NFIB: variants seen among roughly 807,000 people sequenced by gnomAD.
The protein encoded by NFIB is nuclear factor I B, also known as nuclear factor 1 B-type.
NFIB carries 11 observed loss-of-function variants against 61.5 expected under a neutral mutation model. The observed-to-expected ratio is 0.18, with a 90% confidence interval of 0.11 to 0.30. The LOEUF (loss-of-function observed/expected upper bound fraction) is 0.30. Ranked by LOEUF, NFIB falls within the 10% of genes least tolerant of loss-of-function variation. NFIB has a pLI of 1.00. For synonymous variants in NFIB, 260 were observed against 216.5 expected, an observed-to-expected ratio of 1.20 and a Z score of -1.76; for missense variants, 471 against 608.9, an observed-to-expected ratio of 0.77 and a Z score of 2.38.
chr9:14,172,107 C>A (rs1004420175), intron 3 of NFIB, among the ~76,000 whole-genome samples: 31 of 152,224 alleles, frequency 2.0e-4, no homozygotes, highest in Non-Finnish European at 4.1e-4. Context: ...CAGAAAGAAA[C>A]CACTGGTCAT....
At chr9:14,398,559 G>A (rs918411491) in exon 1 of NFIB, 2 of 1,535,184 alleles carry the variant, frequency 1.3e-6, no homozygotes, top group Non-Finnish European at 1.7e-6. Context: ...ATTCTTTTAG[G>A]AATCCCAGGG....
chr9:14,524,330 GT>G, the NFIB span, among the ~76,000 whole-genome samples: 1 of 152,058 alleles, frequency 6.6e-6, no homozygotes, highest in South Asian at 2.1e-4. Context: ...GTGCTAGGGT[GT>G]TTTCTCTCAA....
chr9:14,223,256 A>G (rs573950274), intron 2 of NFIB, among the ~76,000 whole-genome samples: 1 of 152,332 alleles, frequency 6.6e-6, no homozygotes, highest in East Asian at 1.9e-4. Flanking sequence ...ACAGAAATCT[A>G]TAGCAGGGGC....
chr9:14,458,366 T>G, the NFIB span, among the ~76,000 whole-genome samples: 4 of 152,202 alleles, frequency 2.6e-5, no homozygotes, highest in Non-Finnish European at 5.9e-5. Context: ...GGGATGTATC[T>G]CAAAATAATA....
At chr9:14,322,033 G>C (rs1011196613) in intron 1 of NFIB, 2 of 1,212,376 alleles carry the variant, frequency 1.6e-6, no homozygotes, top group Admixed American at 8.9e-5. Flanking sequence ...CAGATTTGTG[G>C]ATTTTCTCAG....
At chr9:14,289,137 T>TACAC (rs1274464933) in intron 2 of NFIB, among the ~76,000 whole-genome samples, 23 of 146,118 alleles carry the variant, frequency 1.6e-4, no homozygotes, top group African/African-American at 5.7e-4. Flanking sequence ...TATATATATA[T>TACAC]ATACATATAT....
chr9:14,319,788 G>C (rs2060622107), intron 1 of NFIB, among the ~76,000 whole-genome samples: 1 of 152,158 alleles, frequency 6.6e-6, no homozygotes, highest in African/African-American at 2.4e-5. Flanking sequence ...TTTCTTCTTT[G>C]AAAACTGCAT....
intron 2 of NFIB, among the ~76,000 whole-genome samples, chr9:14,217,415 T>C (rs1228395560): frequency 2.6e-5 from 4 of 151,954 alleles, no homozygotes; most frequent in East Asian, 3.9e-4. Flanking sequence ...AATCCCAGCA[T>C]TTTGGGAGGC....
chr9:14,357,931 GA>G (rs2061195161), intron 1 of NFIB: 1 of 152,172 alleles, frequency 6.6e-6, no homozygotes, highest in African/African-American at 2.4e-5. Context: ...GAAATTCCTA[GA>G]ATAGGCAATT....
At chr9:14,283,118 A>G (rs1420332161) in intron 2 of NFIB, among the ~76,000 whole-genome samples, 3 of 152,222 alleles carry the variant, frequency 2.0e-5, no homozygotes, top group African/African-American at 7.2e-5. Context: ...TATCAAATCC[A>G]GAGATTAACA....
the NFIB span, among the ~76,000 whole-genome samples, chr9:14,489,817 AT>A: frequency 2.0e-5 from 3 of 152,094 alleles, no homozygotes; most frequent in African/African-American, 7.2e-5. Context: ...ATATATTTCT[AT>A]TTTTATATTT....
At chr9:14,270,538 T>A (rs1412306623) in intron 2 of NFIB, among the ~76,000 whole-genome samples, 4 of 120,562 alleles carry the variant, frequency 3.3e-5, no homozygotes, top group Non-Finnish European at 6.3e-5. Flanking sequence ...TTTAATCTAG[T>A]GAAGGGGAGT....
the NFIB span, among the ~76,000 whole-genome samples, chr9:14,423,268 C>T: frequency 6.6e-6 from 1 of 152,158 alleles, no homozygotes; most frequent in Non-Finnish European, 1.5e-5. Flanking sequence ...TCCATGGGAG[C>T]ACGGAGTGAC....
At chr9:14,480,052 T>C in the NFIB span, among the ~76,000 whole-genome samples, 141 of 151,958 alleles carry the variant, frequency 9.3e-4, no homozygotes, top group African/African-American at 3.2e-3. Flanking sequence ...TGTTTTGTTT[T>C]TTGTTTTTTT....
chr9:14,315,383 C>T (rs1196491359), upstream of NFIB, among the ~76,000 whole-genome samples: 1 of 150,796 alleles, frequency 6.6e-6, no homozygotes, highest in East Asian at 2.0e-4. Flanking sequence ...GCTCCCTCCA[C>T]CTCCTCCCCG....
At chr9:14,384,430 C>G (rs2061525980) in intron 1 of NFIB, among the ~76,000 whole-genome samples, 1 of 152,226 alleles carries the variant, frequency 6.6e-6, no homozygotes, top group African/African-American at 2.4e-5. Flanking sequence ...AGCCTCAGCA[C>G]TTTCGAACCT....
chr9:14,462,193 C>T, the NFIB span, among the ~76,000 whole-genome samples: 2 of 152,194 alleles, frequency 1.3e-5, no homozygotes, highest in African/African-American at 4.8e-5. Context: ...CAGTCTGATG[C>T]ATAAAATATA....
the NFIB span, among the ~76,000 whole-genome samples, chr9:14,490,926 A>C: frequency 7.9e-5 from 12 of 152,330 alleles, no homozygotes; most frequent in African/African-American, 1.7e-4. Flanking sequence ...CAGTGCAAAG[A>C]ATGTTCATAG....
rs73419605 is a variant in NFIB, at chr9:14,355,623, G to A, written c.108+42901C>T. Among the ~76,000 whole-genome samples the A allele has an allele frequency of 2.9e-3, 445 of 152,194 alleles. 4 individuals carry two copies. Among genetic ancestry groups the A allele is most frequent in the African/African-American group, 9.3e-3 (385 of 41,524 alleles). On this transcript the variant is annotated intron_variant, in intron 1 of 8. Transcript: ENST00000380934. ...GGGTGTGTGTCCTTTGCAGTCACAC[G>A]GGATCCCATACTTAGAAGTGCCCCA... is the stretch of plus-strand genomic sequence containing the variant.
Sources: allele counts gnomAD v4.1 joint callset (sites outside exome capture counted in the v4.1 genomes callset), GRCh38; gene constraint gnomAD v4.1.1; transcripts MANE v1.5; gene names NCBI Gene and HGNC (gene_info 2026-07-23, HGNC 2026-07-21).